PURA: variants seen among roughly 807,000 people sequenced by gnomAD.
The protein encoded by PURA is transcriptional activator protein Pur-alpha.
Under a neutral mutation model 23.1 loss-of-function variants are expected in PURA, and 2 were observed. That is an observed-to-expected ratio of 0.09 (90% CI 0.04 to 0.27). The LOEUF (loss-of-function observed/expected upper bound fraction) is 0.27, where lower values mean the gene tolerates loss of function less well. Among genes scored for constraint, PURA ranks in the 10% least tolerant of loss-of-function variants. PURA has a pLI of 1.00. For missense variants in PURA, 187 were observed against 449.7 expected (o/e 0.42, Z 5.28); for synonymous variants, 254 against 205.9 (o/e 1.23, Z -2.00).
At position 140,121,648 on chromosome 5, in the gene PURA, C is replaced by T. The variant is rs1403103891; in HGVS notation, c.*6498C>T. On this transcript the variant is annotated 3_prime_UTR_variant, in exon 1 of 1. Coordinates refer to ENST00000331327, the MANE Select transcript of PURA (RefSeq NM_005859.5). ...TTCTGACTCCTGCCTTAGAACATAGCTAACTGATGATCCAGAACAATTTCA... is the reference window on the plus strand; with the variant it reads ...TTCTGACTCCTGCCTTAGAACATAGTTAACTGATGATCCAGAACAATTTCA... 1.2e-5 allele frequency: 2 copies of T among 166,900 alleles called. No homozygotes were observed. Among genetic ancestry groups the T allele is most frequent in the African/African-American group, 2.4e-5 (1 of 41,424 alleles). 10.3% of individuals were successfully genotyped at this position (166,900 alleles called of 1,614,324 possible).
chr5:140,115,261 T>TAAAA lies in PURA; in HGVS notation c.*123_*126dup. 2 of 526,930 alleles carry TAAAA rather than the reference T, an allele frequency of 3.8e-6. No individual in the cohort carries two copies. Among genetic ancestry groups the TAAAA allele is most frequent in the Non-Finnish European group, 5.8e-6 (2 of 342,338 alleles). The allele number at this position is 526,930 out of a possible 1,614,324, so 32.6% of individuals were successfully genotyped here. A position where few individuals can be genotyped will look rare whatever the true frequency, so the allele number is the denominator to read the frequency against. ...GAGAGAAAATAAAAAGTTAAAAAGTTAAAAAAAAAAAAAAACCTGTTAACT... is the reference window on the plus strand; with the variant it reads ...GAGAGAAAATAAAAAGTTAAAAAGTTAAAAAAAAAAAAAAAAAAACCTGTTAACT... On this transcript the variant is annotated 3_prime_UTR_variant, in exon 1 of 1. Transcript: ENST00000331327. The surrounding 1 kb of genome is among the most constrained non-coding windows in gnomAD (Gnocchi z 4.1).
Position 140,115,925 on chromosome 5 carries a change from G to A in PURA, c.*775G>A, listed in dbSNP as rs1763072748. ...CCTTAAACTTATAAAAATGGTCAGT[G>A]AAACTTCTGTGAACATGAAGAAATT... is the stretch of plus-strand genomic sequence containing the variant. On this transcript the variant is annotated 3_prime_UTR_variant, in exon 1 of 1. Coordinates refer to ENST00000331327, the MANE Select transcript of PURA (RefSeq NM_005859.5). This position sits in a 1 kb window ranked among gnomAD's most constrained non-coding sequence, Gnocchi z 4.1. 6.0e-6 allele frequency: 1 copy of A among 166,994 alleles called. No individual in the cohort carries two copies. Among genetic ancestry groups the A allele is most frequent in the South Asian group, 2.1e-4 (1 of 4,828 alleles). The allele number at this position is 166,994 out of a possible 1,614,324, so 10.3% of individuals were successfully genotyped here.
chr5:140,124,714 GAGTTATCTA>G lies in PURA; in HGVS notation c.*9566_*9574del, dbSNP rs1245724078. 6.0e-6 allele frequency: 1 copy of G among 166,926 alleles called. No homozygotes were observed. Among genetic ancestry groups the G allele is most frequent in the East Asian group, 1.9e-4 (1 of 5,202 alleles). 10.3% of individuals were successfully genotyped at this position (166,926 alleles called of 1,614,324 possible). ...ATAAGTTAAAGATTCACATCATTAA[GAGTTATCTA>G]ACTTTTATGTTGTCAAATCTTTAAA... On this transcript the variant is annotated 3_prime_UTR_variant, in exon 1 of 1. Transcript: ENST00000331327.
rs1763175067 is a variant in PURA at position 140,123,620 on chromosome 5, T to G, written c.*8470T>G. On this transcript the variant is annotated 3_prime_UTR_variant, in exon 1 of 1. Coordinates refer to ENST00000331327, the MANE Select transcript of PURA (RefSeq NM_005859.5). ...AAAACAAAAATTTGTTCTGATAAAA[T>G]TTTTAATATGGGCCTTTATTTGCCA... 6.0e-6 allele frequency: 1 copy of G among 166,588 alleles called. No individual in the cohort carries two copies. The highest frequency in any genetic ancestry group is 6.5e-5 in the Admixed American group (1 of 15,274). The allele number at this position is 166,588 out of a possible 1,614,324, so 10.3% of individuals were successfully genotyped here.
Position 140,114,551 on chromosome 5 carries a change from C to A in PURA, c.370C>A (p.Leu124Met). 1 of 1,602,400 alleles carries A rather than the reference C, an allele frequency of 6.2e-7. No individual in the cohort carries two copies. The change falls in exon 1 of 1, where the codon CTG (leucine) becomes ATG (methionine). Residue 124 changes from leucine (L) to methionine (M), a missense_variant. This residue lies in a region of PURA where 24 missense variants were observed against 75.2 expected (regional missense o/e 0.32). Transcript: ENST00000331327. Reference sequence around the variant, plus strand: ...CGACTTCATCGAGCACTACGCGCAGCTGGGCCCCAGCCAGCCGCCGGACCT... The same window carrying A: ...CGACTTCATCGAGCACTACGCGCAGATGGGCCCCAGCCAGCCGCCGGACCT... ...LGDFIEHYAQLGPSQPPDLAQ... is the reference protein window; with the variant it reads ...LGDFIEHYAQMGPSQPPDLAQ...
rs562691090 is a variant in PURA, at chr5:140,115,333, T to G, written c.*183T>G. 1 of 448,550 alleles carries G rather than the reference T, an allele frequency of 2.2e-6. No homozygotes were observed. Among genetic ancestry groups the G allele is most frequent in the Non-Finnish European group, 4.0e-6 (1 of 251,422 alleles). The allele number at this position is 448,550 out of a possible 1,614,324, so 27.8% of individuals were successfully genotyped here. On this transcript the variant is annotated 3_prime_UTR_variant, in exon 1 of 1. Transcript: ENST00000331327. The surrounding 1 kb of genome is among the most constrained non-coding windows in gnomAD (Gnocchi z 4.1). ...AACCTCCACCAACTGACAGTTTCTC[T>G]TCTTGACTTGCCACCCATCGCTGGA...
At position 140,115,232 on chromosome 5, in the gene PURA, GAA is replaced by G. The variant is rs1388120073; in HGVS notation, c.*84_*85del. 2.7e-6 allele frequency: 2 copies of G among 741,358 alleles called. No individual in the cohort carries two copies. Among genetic ancestry groups the G allele is most frequent in the African/African-American group, 3.8e-5 (2 of 52,214 alleles). The allele number at this position is 741,358 out of a possible 1,614,324, so 45.9% of individuals were successfully genotyped here. On this transcript the variant is annotated 3_prime_UTR_variant, in exon 1 of 1. Coordinates refer to ENST00000331327, the MANE Select transcript of PURA (RefSeq NM_005859.5). The surrounding 1 kb of genome is among the most constrained non-coding windows in gnomAD (Gnocchi z 4.1). The stretch of plus-strand genomic sequence containing the variant: ...ACACACACAGAAAATATACTGTAAA[GAA>G]AGAGAGAAAATAAAAAGTTAAAAAG...
Position 140,115,102 on chromosome 5 carries a change from C to G in PURA, c.921C>G (p.Ala307=), listed in dbSNP as rs755327082. The change falls in exon 1 of 1, where the codon GCC becomes GCG. Residue 307 remains alanine, a synonymous_variant. Transcript: ENST00000331327. This position sits in a 1 kb window ranked among gnomAD's most constrained non-coding sequence, Gnocchi z 4.1. ...AACAGCAGCAGCAGGAGGAGACCGC[C>G]GCTGCCACCCTGCTACTGCAGGGTG... ...QQQQQQQEET[A]AATLLLQGEE... 1 of 1,608,210 alleles carries G rather than the reference C, an allele frequency of 6.2e-7. No homozygotes were observed. Among genetic ancestry groups the G allele is most frequent in the Non-Finnish European group, 8.5e-7 (1 of 1,177,158 alleles).
rs1001410253 is a variant in PURA at position 140,119,227 on chromosome 5, T to A, written c.*4077T>A. The A allele has an allele frequency of 1.2e-5, 2 of 166,894 alleles. No homozygotes were observed. Among genetic ancestry groups the A allele is most frequent in the African/African-American group, 4.8e-5 (2 of 41,448 alleles). The allele number at this position is 166,894 out of a possible 1,614,324, so 10.3% of individuals were successfully genotyped here. On this transcript the variant is annotated 3_prime_UTR_variant, in exon 1 of 1. Coordinates refer to ENST00000331327, the MANE Select transcript of PURA (RefSeq NM_005859.5). ...ATAGGAGTGGGAAGACTGCCTCCTT[T>A]TTTGAAGAGAGAGATTAAGGATTTT...
rs1384901273 is a variant in PURA at position 140,115,698 on chromosome 5, T to A, written c.*548T>A. On this transcript the variant is annotated 3_prime_UTR_variant, in exon 1 of 1. Transcript: ENST00000331327. The surrounding 1 kb of genome is among the most constrained non-coding windows in gnomAD (Gnocchi z 4.1). The stretch of plus-strand genomic sequence containing the variant: ...CATTTTGTTACCAAATTTCAAACCT[T>A]ACATGGAGGTTATTATAGTATATTT... 2 of 167,094 alleles carry A rather than the reference T, an allele frequency of 1.2e-5. No individual in the cohort carries two copies. Among genetic ancestry groups the A allele is most frequent in the Non-Finnish European group, 2.9e-5 (2 of 68,158 alleles). 10.4% of individuals were successfully genotyped at this position (167,094 alleles called of 1,614,324 possible).
In PURA at chr5:140,120,722, C is replaced by T. The variant is rs1763143448; in HGVS notation, c.*5572C>T. 6.0e-6 allele frequency: 1 copy of T among 166,648 alleles called. No homozygotes were observed. Among genetic ancestry groups the T allele is most frequent in the African/African-American group, 2.4e-5 (1 of 41,382 alleles). 10.3% of individuals were successfully genotyped at this position (166,648 alleles called of 1,614,324 possible). A position where few individuals can be genotyped will look rare whatever the true frequency, so the allele number is the denominator to read the frequency against. ...TAAGAAATAATGATTGGTTTCAAGC[C>T]AATGAATCTGCTAAGCTAACTACCA... On this transcript the variant is annotated 3_prime_UTR_variant, in exon 1 of 1. Coordinates refer to ENST00000331327, the MANE Select transcript of PURA (RefSeq NM_005859.5).
rs1413197212 is a variant in PURA at position 140,115,633 on chromosome 5, GAT to G, written c.*486_*487del. The G allele has an allele frequency of 1.2e-5, 2 of 167,104 alleles. No homozygotes were observed. The highest frequency in any genetic ancestry group is 2.9e-5 in the Non-Finnish European group (2 of 68,134). The allele number at this position is 167,104 out of a possible 1,614,324, so 10.4% of individuals were successfully genotyped here. On this transcript the variant is annotated 3_prime_UTR_variant, in exon 1 of 1. Transcript: ENST00000331327. The surrounding 1 kb of genome is among the most constrained non-coding windows in gnomAD (Gnocchi z 4.1). ...ACATTTGACTTTAGCACAAAAAAGA[GAT>G]ATTTTAGAACACGTAAAATAATATT...
At position 140,118,606 on chromosome 5, in the gene PURA, A is replaced by G. The variant is rs1763116310; in HGVS notation, c.*3456A>G. On this transcript the variant is annotated 3_prime_UTR_variant, in exon 1 of 1. Transcript: ENST00000331327. ...GAAAAGCCATGTCGGCTTTTCCTCT[A>G]CTAGATACAGATTGGAGGTAGATGA... The G allele has an allele frequency of 6.0e-6, 1 of 166,976 alleles. No homozygotes were observed. The highest frequency in any genetic ancestry group is 1.5e-5 in the Non-Finnish European group (1 of 68,048). 10.3% of individuals were successfully genotyped at this position (166,976 alleles called of 1,614,324 possible).
At position 140,123,703 on chromosome 5, in the gene PURA, C is replaced by T. The variant is rs1330256142; in HGVS notation, c.*8553C>T. 6.0e-6 allele frequency: 1 copy of T among 166,790 alleles called. No homozygotes were observed. The highest frequency in any genetic ancestry group is 2.4e-5 in the African/African-American group (1 of 41,392). 10.3% of individuals were successfully genotyped at this position (166,790 alleles called of 1,614,324 possible). A position where few individuals can be genotyped will look rare whatever the true frequency, so the allele number is the denominator to read the frequency against. On this transcript the variant is annotated 3_prime_UTR_variant, in exon 1 of 1. Coordinates refer to ENST00000331327, the MANE Select transcript of PURA (RefSeq NM_005859.5). The stretch of plus-strand genomic sequence containing the variant: ...ACTGTTTAAATAGACAAAGTTAAAG[C>T]TTAGGATAGGGAATATATATGTATG...
rs1250982902 is a variant in PURA, at chr5:140,117,497, GCTT to G, written c.*2351_*2353del. On this transcript the variant is annotated 3_prime_UTR_variant, in exon 1 of 1. Transcript: ENST00000331327. ...TTGATTTTGTCTCTTGTTTACTATA[GCTT>G]CTTAAAGTTAAGCCTTGTACTACAG... is the stretch of plus-strand genomic sequence containing the variant. 6.0e-6 allele frequency: 1 copy of G among 167,002 alleles called. No individual in the cohort carries two copies. The highest frequency in any genetic ancestry group is 1.5e-5 in the Non-Finnish European group (1 of 68,102). The allele number at this position is 167,002 out of a possible 1,614,324, so 10.3% of individuals were successfully genotyped here.
rs1196643505 is a variant in PURA, at chr5:140,124,311, T to C, written c.*9161T>C. 2 of 166,978 alleles carry C rather than the reference T, an allele frequency of 1.2e-5. No homozygotes were observed. The highest frequency in any genetic ancestry group is 2.4e-5 in the African/African-American group (1 of 41,428). The allele number at this position is 166,978 out of a possible 1,614,324, so 10.3% of individuals were successfully genotyped here. On this transcript the variant is annotated 3_prime_UTR_variant, in exon 1 of 1. Coordinates refer to ENST00000331327, the MANE Select transcript of PURA (RefSeq NM_005859.5). ...CTTAAAACCAAGTGAGAGGCCTCTT[T>C]TCAGATCTGGTTTATTTTTGGAATG...
At position 140,123,113 on chromosome 5, in the gene PURA, G is replaced by A. The variant is rs1581039279; in HGVS notation, c.*7963G>A. On this transcript the variant is annotated 3_prime_UTR_variant, in exon 1 of 1. Coordinates refer to ENST00000331327, the MANE Select transcript of PURA (RefSeq NM_005859.5). ...ATAATTTTCACATTTTATTGTGTCA[G>A]ATTTTAAATTATAATAGTTATATAC... 6.0e-6 allele frequency: 1 copy of A among 166,838 alleles called. No homozygotes were observed. Among genetic ancestry groups the A allele is most frequent in the Admixed American group, 6.6e-5 (1 of 15,258 alleles). 10.3% of individuals were successfully genotyped at this position (166,838 alleles called of 1,614,324 possible).
Position 140,116,979 on chromosome 5 carries a change from G to A in PURA, c.*1829G>A, listed in dbSNP as rs1432477294. 1 of 166,894 alleles carries A rather than the reference G, an allele frequency of 6.0e-6. No individual in the cohort carries two copies. Among genetic ancestry groups the A allele is most frequent in the East Asian group, 1.9e-4 (1 of 5,200 alleles). The allele number at this position is 166,894 out of a possible 1,614,324, so 10.3% of individuals were successfully genotyped here. A position where few individuals can be genotyped will look rare whatever the true frequency, so the allele number is the denominator to read the frequency against. ...GTGCTTCTTATATTGTAAAGCATTG[G>A]CCTAGGAAGGCAAACAGTTGTCTTT... On this transcript the variant is annotated 3_prime_UTR_variant, in exon 1 of 1. Coordinates refer to ENST00000331327, the MANE Select transcript of PURA (RefSeq NM_005859.5).
rs889654368 is a variant in PURA at position 140,125,018 on chromosome 5, A to G, written c.*9868A>G. The G allele has an allele frequency of 6.0e-5, 10 of 166,844 alleles. No individual in the cohort carries two copies. Among genetic ancestry groups the G allele is most frequent in the Non-Finnish European group, 1.2e-4 (8 of 68,054 alleles). 10.3% of individuals were successfully genotyped at this position (166,844 alleles called of 1,614,324 possible). On this transcript the variant is annotated 3_prime_UTR_variant, in exon 1 of 1. Transcript: ENST00000331327. ...AGGCCATTTTTAGTTTTCTGCCCCC[A>G]TTTCCCAGTCCTGGTATAAAATGAA...
Sources: allele counts gnomAD v4.1 joint callset, GRCh38; gene constraint gnomAD v4.1.1; regional missense constraint gnomAD v4.1.1; non-coding constraint Gnocchi (gnomAD v3.1); transcripts MANE v1.5; gene names NCBI Gene and HGNC (gene_info 2026-07-23, HGNC 2026-07-21).